PTPRN2: variants seen among roughly 807,000 people sequenced by gnomAD.
PTPRN2 encodes receptor-type tyrosine-protein phosphatase N2.
In PTPRN2, 74 loss-of-function variants were observed where a neutral mutation model predicts 118.8. The ratio of observed to expected loss-of-function variants is 0.62; its 90% CI spans 0.52 to 0.76. The LOEUF (loss-of-function observed/expected upper bound fraction) is 0.76, where lower values mean the gene tolerates loss of function less well. PTPRN2 is among the 30% of genes least tolerant of loss of function. The pLI is 0.00. For missense variants in PTPRN2, 1,481 were observed against 1,394.4 expected, an observed-to-expected ratio of 1.06 and a Z score of -0.99; for synonymous variants, 641 against 608.0, an observed-to-expected ratio of 1.05 and a Z score of -0.80.
chr7:157,783,779 G>T (rs1224590544), intron 12 of PTPRN2, among the ~76,000 whole-genome samples: 4 of 151,846 alleles, frequency 2.6e-5, no homozygotes, highest in Non-Finnish European at 5.9e-5. Flanking sequence ...GGATTCGTAT[G>T]ACCCTACTTT....
chr7:158,491,971 G>A (rs377243432), intron 1 of PTPRN2, among the ~76,000 whole-genome samples: 1 of 152,164 alleles, frequency 6.6e-6, no homozygotes, highest in Non-Finnish European at 1.5e-5. Flanking sequence ...AGGAGGAGAG[G>A]CAGACACCAC....
chr7:157,759,584 C>T (rs188342905), intron 12 of PTPRN2, among the ~76,000 whole-genome samples: 80 of 152,296 alleles, frequency 5.3e-4, no homozygotes, highest in Admixed American at 2.7e-3. Flanking sequence ...AAATGGAAGA[C>T]GGACACGTGT....
intron 5 of PTPRN2, among the ~76,000 whole-genome samples, chr7:158,182,179 T>A (rs546891926): frequency 2.6e-5 from 4 of 152,332 alleles, no homozygotes; most frequent in African/African-American, 9.6e-5. Flanking sequence ...CCAAAAATCA[T>A]TGAGGAGCAT....
intron 5 of PTPRN2, among the ~76,000 whole-genome samples, chr7:158,188,189 T>A (rs991012933): frequency 7.2e-4 from 45 of 62,300 alleles, no homozygotes; most frequent in East Asian, 1.8e-3. Flanking sequence ...CGCCCCGCGA[T>A]GGGGAAGGCC....
chr7:158,541,825 G>T, intron 1 of PTPRN2: 2 of 791,762 alleles, frequency 2.5e-6, no homozygotes, highest in Non-Finnish European at 3.1e-6. Context: ...CTGAGAGACT[G>T]CAGAGCACCA....
chr7:157,877,355 C>T (rs535336012), intron 12 of PTPRN2, among the ~76,000 whole-genome samples: 6 of 149,602 alleles, frequency 4.0e-5, no homozygotes, highest in East Asian at 2.0e-4. Flanking sequence ...ACCCCGGGTC[C>T]GAGTGCCACA....
At chr7:157,970,647 C>G (rs4716849) in intron 11 of PTPRN2, among the ~76,000 whole-genome samples, 2 of 149,838 alleles carry the variant, frequency 1.3e-5, no homozygotes, top group Admixed American at 6.6e-5. Flanking sequence ...CCCCCCCCCC[C>G]ACAGGTTGCC....
At chr7:157,776,177 TCTCCCTCTCCTTCACTTC>T (rs1803212580) in intron 12 of PTPRN2, among the ~76,000 whole-genome samples, 2 of 123,468 alleles carry the variant, frequency 1.6e-5, no homozygotes, top group Admixed American at 8.2e-5. Context: ...CTGTCCTCCT[TCTCCCTCTCCTTCACTTC>T]CTCCCTCTCC....
chr7:158,283,054 G>A (rs1799533903), intron 3 of PTPRN2, among the ~76,000 whole-genome samples: 2 of 152,274 alleles, frequency 1.3e-5, no homozygotes, highest in Non-Finnish European at 2.9e-5. Context: ...CCCACATGCA[G>A]GGGCCTCAGC....
chr7:157,957,339 C>A (rs994818521), intron 11 of PTPRN2, among the ~76,000 whole-genome samples: 15 of 152,094 alleles, frequency 9.9e-5, no homozygotes, highest in African/African-American at 3.6e-4. Context: ...AAGTATTAAT[C>A]CCTGGGGGGG....
At chr7:158,391,243 G>T (rs1811900288) in intron 2 of PTPRN2, among the ~76,000 whole-genome samples, 1 of 152,222 alleles carries the variant, frequency 6.6e-6, no homozygotes, top group Non-Finnish European at 1.5e-5. Context: ...GACCCTCTGG[G>T]GCCAATGGCC....
intron 15 of PTPRN2, among the ~76,000 whole-genome samples, chr7:157,604,387 C>T (rs888768809): frequency 7.2e-5 from 11 of 152,238 alleles, no homozygotes; most frequent in African/African-American, 2.2e-4. Context: ...GGGAGGCAGA[C>T]GAACGGCATG....
intron 3 of PTPRN2, among the ~76,000 whole-genome samples, chr7:158,316,299 G>A (rs1164861787): frequency 1.3e-5 from 2 of 152,184 alleles, no homozygotes; most frequent in South Asian, 2.1e-4. Context: ...CTGACCAAGA[G>A]CCCTCACTTC....
rs971144940 is a variant in PTPRN2, at chr7:158,260,508, G to T, written c.278-55235C>A. Among the ~76,000 whole-genome samples, 5 of 152,158 alleles carry T rather than the reference G, an allele frequency of 3.3e-5. No homozygotes were observed. The East Asian group carries it at 7.7e-4, about 23-fold the overall frequency. On this transcript the variant is annotated intron_variant, in intron 3 of 22. Transcript: ENST00000389418. Reference sequence around the variant, plus strand: ...GACTTCTTCAGAAGGCCTAGAAAAAGAGTCTATTTGAATAAAGCCCAGAGG... The same window carrying T: ...GACTTCTTCAGAAGGCCTAGAAAAATAGTCTATTTGAATAAAGCCCAGAGG...
intron 12 of PTPRN2, among the ~76,000 whole-genome samples, chr7:157,692,030 G>A (rs1422141725): frequency 1.3e-5 from 2 of 152,228 alleles, no homozygotes; most frequent in African/African-American, 4.8e-5. Flanking sequence ...CACAGCTGCA[G>A]GAACAAGGAG....
intron 11 of PTPRN2, among the ~76,000 whole-genome samples, chr7:157,996,907 T>C (rs1267234035): frequency 6.6e-6 from 1 of 152,120 alleles, no homozygotes; most frequent in African/African-American, 2.4e-5. Context: ...CCCTGACACA[T>C]CCTAGGCCCG....
chr7:158,210,028 A>T (rs1827469394), intron 3 of PTPRN2, among the ~76,000 whole-genome samples: 1 of 152,130 alleles, frequency 6.6e-6, no homozygotes, highest in South Asian at 2.1e-4. Flanking sequence ...ACATACCAAA[A>T]ACCTGTGGGA....
chr7:157,855,376 G>A (rs1004680492), intron 12 of PTPRN2, among the ~76,000 whole-genome samples: 6 of 152,168 alleles, frequency 3.9e-5, no homozygotes, highest in Admixed American at 2.0e-4. Flanking sequence ...ACCTAATAAC[G>A]ATTATTTTAA....
chr7:158,346,369 G>A (rs1426855902), intron 2 of PTPRN2, among the ~76,000 whole-genome samples: 1 of 152,132 alleles, frequency 6.6e-6, no homozygotes, highest in Non-Finnish European at 1.5e-5. Context: ...TTCCACATAT[G>A]AGTAAGATCA....
Sources: allele counts gnomAD v4.1 joint callset (sites outside exome capture counted in the v4.1 genomes callset), GRCh38; gene constraint gnomAD v4.1.1; transcripts MANE v1.5; gene names NCBI Gene and HGNC (gene_info 2026-07-23, HGNC 2026-07-21).